The following RBFOX1 variants were observed in gnomAD, a reference collection of about 807,000 sequenced individuals.
The protein encoded by RBFOX1 is RNA binding protein fox-1 homolog 1.
RBFOX1 carries 8 observed loss-of-function variants against 57.7 expected under a neutral mutation model. The ratio of observed to expected loss-of-function variants is 0.14; its 90% CI spans 0.08 to 0.25. The LOEUF is 0.25. Among genes scored for constraint, RBFOX1 ranks in the 10% least tolerant of loss-of-function variants. The pLI is 1.00. For synonymous variants in RBFOX1, 326 were observed against 222.4 expected (o/e 1.47, Z -4.15); for missense variants, 611 against 548.5 (o/e 1.11, Z -1.14).
chr16:7,307,043 C>T (rs2096206115), intron 4 of RBFOX1, among the ~76,000 whole-genome samples: 1 of 152,144 alleles, frequency 6.6e-6, no homozygotes. Context: ...AACACCTTCA[C>T]TGAAAACAAT....
chr16:6,438,249 C>T (rs1030667703), intron 2 of RBFOX1, among the ~76,000 whole-genome samples: 1 of 152,206 alleles, frequency 6.6e-6, no homozygotes, highest in East Asian at 1.9e-4. Flanking sequence ...TGCTCTGTGC[C>T]TCACAGGTAT....
At chr16:6,228,227 G>A (rs1226115122) in intron 1 of RBFOX1, among the ~76,000 whole-genome samples, 2 of 152,132 alleles carry the variant, frequency 1.3e-5, no homozygotes, top group South Asian at 4.1e-4. Flanking sequence ...CAGTGCTTAG[G>A]TGGGAGAATC....
chr16:5,627,180 C>A (rs749610617), intron 3 of RBFOX1, among the ~76,000 whole-genome samples: 1 of 152,184 alleles, frequency 6.6e-6, no homozygotes, highest in Non-Finnish European at 1.5e-5. Context: ...AGTTCAGCTT[C>A]ATGGCTCTGT....
At chr16:6,630,512 C>T (rs927897482) in intron 2 of RBFOX1, among the ~76,000 whole-genome samples, 2 of 152,118 alleles carry the variant, frequency 1.3e-5, no homozygotes, top group African/African-American at 4.8e-5. Context: ...TTATTTCGTA[C>T]TTAAAACAGC....
chr16:6,880,404 G>A (rs73542593), intron 3 of RBFOX1, among the ~76,000 whole-genome samples: 3 of 152,128 alleles, frequency 2.0e-5, no homozygotes, highest in Admixed American at 1.3e-4. Flanking sequence ...CCCTGTTGCA[G>A]GAATGAACAT....
intron 3 of RBFOX1, among the ~76,000 whole-genome samples, chr16:6,873,071 A>G (rs1266793419): frequency 6.6e-6 from 1 of 151,972 alleles, no homozygotes; most frequent in Non-Finnish European, 1.5e-5. Flanking sequence ...AAGCCACCCA[A>G]ACTTCTGAAA....
chr16:7,357,121 G>T (rs2097230087), intron 4 of RBFOX1, among the ~76,000 whole-genome samples: 2 of 151,994 alleles, frequency 1.3e-5, no homozygotes, highest in Admixed American at 6.6e-5. Context: ...GATGGGAGAA[G>T]AAACTGTGTG....
downstream of RBFOX1, among the ~76,000 whole-genome samples, chr16:5,604,412 T>C (rs76169843): frequency 0.037 from 5,667 of 152,252 alleles, 250 homozygotes; most frequent in African/African-American, 0.11. Flanking sequence ...GTTGGAATAA[T>C]TCAATTTCTT....
chr16:6,258,085 C>G lies in RBFOX1; in HGVS notation c.-126-58910C>G, dbSNP rs185062528. Among the ~76,000 whole-genome samples the G allele has an allele frequency of 5.3e-5, 8 of 152,260 alleles. No homozygotes were observed. In the East Asian group the frequency reaches 1.5e-3, roughly 29 times the overall value. On this transcript the variant is annotated intron_variant, in intron 1 of 15. Transcript: ENST00000550418. ...TTTGTGTCCGCATGATGTTGAGTTT[C>G]TTAATAAAATTCCCATGCCCTTATC...
intron 3 of RBFOX1, among the ~76,000 whole-genome samples, chr16:6,756,113 T>C (rs1001105360): frequency 7.2e-5 from 11 of 152,194 alleles, no homozygotes; most frequent in Non-Finnish European, 1.5e-4. Flanking sequence ...TCATTCATAG[T>C]AGAAACCTTT....
chr16:6,931,223 A>T (rs2076452073), intron 3 of RBFOX1, among the ~76,000 whole-genome samples: 1 of 151,422 alleles, frequency 6.6e-6, no homozygotes, highest in Non-Finnish European at 1.5e-5. Flanking sequence ...CTCTCTACTG[A>T]TGGGAATTAA....
At chr16:6,040,676 A>T (rs1398464711) in intron 1 of RBFOX1, among the ~76,000 whole-genome samples, 1 of 150,912 alleles carries the variant, frequency 6.6e-6, no homozygotes, top group Non-Finnish European at 1.5e-5. Context: ...CTCATTGCAA[A>T]CTCTGCCTCC....
At chr16:6,809,918 C>T (rs536898130) in intron 3 of RBFOX1, among the ~76,000 whole-genome samples, 3 of 152,116 alleles carry the variant, frequency 2.0e-5, no homozygotes, top group South Asian at 2.1e-4. Flanking sequence ...AATGAATAAA[C>T]ACCACCAAGA....
chr16:5,574,936 T>A (rs976693350), intron 2 of RBFOX1, among the ~76,000 whole-genome samples: 1 of 152,198 alleles, frequency 6.6e-6, no homozygotes, highest in Non-Finnish European at 1.5e-5. Flanking sequence ...TTTCATACCC[T>A]GCAGCTTGAT....
chr16:6,555,274 C>T (rs979333766), intron 2 of RBFOX1, among the ~76,000 whole-genome samples: 2 of 152,152 alleles, frequency 1.3e-5, no homozygotes, highest in African/African-American at 4.8e-5. Flanking sequence ...TTCCTTTCAC[C>T]CAAATCCTAT....
chr16:5,875,549 T>C (rs1231044149), intron 4 of RBFOX1, among the ~76,000 whole-genome samples: 5 of 152,178 alleles, frequency 3.3e-5, no homozygotes, highest in Non-Finnish European at 7.3e-5. Flanking sequence ...TATTATTTGG[T>C]GCGTAAGTAG....
chr16:6,656,776 A>G (rs1387573053), intron 3 of RBFOX1, among the ~76,000 whole-genome samples: 1 of 152,144 alleles, frequency 6.6e-6, no homozygotes, highest in South Asian at 2.1e-4. Context: ...TTAATTGGTG[A>G]TGCATCTTAG....
In RBFOX1 at chr16:5,668,975, T is replaced by G. The variant is rs1245267584; in HGVS notation, c.318+70014T>G. ...CAGGATGCCTATGTAGTAGTATTCATGATACATTACAGAATTTAAATGAAA... is the reference window on the plus strand; with the variant it reads ...CAGGATGCCTATGTAGTAGTATTCAGGATACATTACAGAATTTAAATGAAA... On this transcript the variant is annotated intron_variant, in intron 3 of 19. Transcript: ENST00000641259. Among the ~76,000 whole-genome samples the G allele has an allele frequency of 2.6e-5, 4 of 152,196 alleles. No homozygotes were observed. In the East Asian group the frequency reaches 7.7e-4, roughly 29 times the overall value.
intron 4 of RBFOX1, among the ~76,000 whole-genome samples, chr16:7,432,416 T>C (rs918508266): frequency 6.6e-6 from 1 of 152,190 alleles, no homozygotes; most frequent in African/African-American, 2.4e-5. Context: ...TGAATTCTCC[T>C]AATGCAATCG....
Sources: allele counts gnomAD v4.1 joint callset (sites outside exome capture counted in the v4.1 genomes callset), GRCh38; gene constraint gnomAD v4.1.1; transcripts MANE v1.5; gene names NCBI Gene and HGNC (gene_info 2026-07-23, HGNC 2026-07-21).